ASIC2: variants seen among roughly 807,000 people sequenced by gnomAD.
ASIC2 encodes acid sensing ion channel subunit 2.
Under a neutral mutation model 57.3 loss-of-function variants are expected in ASIC2, and 25 were observed. That is an observed-to-expected ratio of 0.44 (90% CI 0.32 to 0.61). The LOEUF (loss-of-function observed/expected upper bound fraction) is 0.61. Ranked by LOEUF, ASIC2 falls within the 20% of genes least tolerant of loss-of-function variation. The pLI is 0.06. For synonymous variants in ASIC2, 319 were observed against 307.5 expected (o/e 1.04, Z -0.39); for missense variants, 641 against 738.1 (o/e 0.87, Z 1.52).
intron 1 of ASIC2, among the ~76,000 whole-genome samples, chr17:33,513,495 T>C (rs2079473018): frequency 6.6e-6 from 1 of 152,224 alleles, no homozygotes; most frequent in South Asian, 2.1e-4. Flanking sequence ...TCTCTTAATT[T>C]CAAAGTAGTT....
intron 1 of ASIC2, among the ~76,000 whole-genome samples, chr17:34,099,137 AG>A: frequency 4.4e-5 from 1 of 22,528 alleles, no homozygotes; most frequent in African/African-American, 1.1e-4. Flanking sequence ...AGAGAGAGAG[AG>A]AGAGAGACAG....
At chr17:33,084,991 T>A (rs1481717823) in intron 3 of ASIC2, among the ~76,000 whole-genome samples, 1 of 152,202 alleles carries the variant, frequency 6.6e-6, no homozygotes, top group African/African-American at 2.4e-5. Context: ...GTGGTGTGTG[T>A]GTAATTATGC....
At chr17:33,447,912 C>CAAAAAAAAAAAAAAAAAA (rs34092157) in intron 1 of ASIC2, among the ~76,000 whole-genome samples, 2 of 73,084 alleles carry the variant, frequency 2.7e-5, no homozygotes, top group African/African-American at 9.4e-5. Flanking sequence ...GACTCAGTCT[C>CAAAAAAAAAAAAAAAAAA]AAAAAAAAAA....
chr17:34,028,027 A>T (rs1328706130), intron 1 of ASIC2, among the ~76,000 whole-genome samples: 1 of 152,232 alleles, frequency 6.6e-6, no homozygotes, highest in Non-Finnish European at 1.5e-5. Context: ...TTCCACATAT[A>T]TGAGGAAAAT....
chr17:33,838,897 A>G (rs890286938), intron 1 of ASIC2, among the ~76,000 whole-genome samples: 1 of 152,236 alleles, frequency 6.6e-6, no homozygotes. Flanking sequence ...AACTTCTACT[A>G]TAGACCAAGG....
At chr17:33,680,692 G>C (rs1330668468) in intron 1 of ASIC2, 2 of 152,312 alleles carry the variant, frequency 1.3e-5, no homozygotes, top group East Asian at 1.9e-4. Flanking sequence ...CAGGCCCTGA[G>C]AGCACACAGG....
At chr17:33,442,899 C>A (rs1911875307) in intron 1 of ASIC2, among the ~76,000 whole-genome samples, 1 of 152,144 alleles carries the variant, frequency 6.6e-6, no homozygotes, top group African/African-American at 2.4e-5. Context: ...TAACATCAGG[C>A]AAATGGCAGG....
At chr17:33,315,570 T>A (rs913810960) in intron 1 of ASIC2, among the ~76,000 whole-genome samples, 12 of 152,118 alleles carry the variant, frequency 7.9e-5, no homozygotes, top group African/African-American at 2.9e-4. Context: ...ACAAGTCAAG[T>A]GGAGAAAAGA....
chr17:33,259,133 A>G (rs1245974327), intron 1 of ASIC2, among the ~76,000 whole-genome samples: 1 of 152,170 alleles, frequency 6.6e-6, no homozygotes, highest in Non-Finnish European at 1.5e-5. Context: ...GAAAAGTGGC[A>G]TTTGTCTAAA....
chr17:34,102,771 T>C (rs1469835643), intron 1 of ASIC2, among the ~76,000 whole-genome samples: 2 of 152,244 alleles, frequency 1.3e-5, no homozygotes, highest in African/African-American at 2.4e-5. Context: ...GTGAATAAAG[T>C]TGCTATAAAC....
chr17:33,075,071 T>C (rs1475365323), intron 3 of ASIC2, among the ~76,000 whole-genome samples: 1 of 152,148 alleles, frequency 6.6e-6, no homozygotes, highest in Non-Finnish European at 1.5e-5. Context: ...CACCCAAATT[T>C]CATCTTGAAT....
At chr17:34,101,922 C>T (rs1910880734) in intron 1 of ASIC2, among the ~76,000 whole-genome samples, 1 of 152,134 alleles carries the variant, frequency 6.6e-6, no homozygotes, top group Non-Finnish European at 1.5e-5. Flanking sequence ...ATCACCATAC[C>T]CTACCTCCCA....
At chr17:33,235,929 C>G (rs907910409) in intron 1 of ASIC2, among the ~76,000 whole-genome samples, 6 of 151,900 alleles carry the variant, frequency 3.9e-5, no homozygotes, top group Admixed American at 3.9e-4. Context: ...CTCCTCCTCC[C>G]GGGTTCAAGC....
At chr17:33,861,266 G>A (rs1368157257) in intron 1 of ASIC2, among the ~76,000 whole-genome samples, 1 of 152,166 alleles carries the variant, frequency 6.6e-6, no homozygotes, top group Non-Finnish European at 1.5e-5. Context: ...GAATAACGTA[G>A]AAAATATTTA....
At chr17:33,373,926 T>C (rs2347153) in intron 1 of ASIC2, among the ~76,000 whole-genome samples, 89,950 of 151,872 alleles carry the variant, frequency 0.59, 26,943 homozygotes, top group East Asian at 0.79. Context: ...GATCTGCCCA[T>C]CTTGGCCTCC....
At chr17:33,496,699 C>T (rs1913947308) in intron 1 of ASIC2, among the ~76,000 whole-genome samples, 1 of 142,024 alleles carries the variant, frequency 7.0e-6, no homozygotes, top group Non-Finnish European at 1.5e-5. Flanking sequence ...CTCATTGCAA[C>T]CTCCGCCTCC....
chr17:33,320,982 G>T (rs1344012757), intron 1 of ASIC2, among the ~76,000 whole-genome samples: 1 of 152,180 alleles, frequency 6.6e-6, no homozygotes, highest in Non-Finnish European at 1.5e-5. Context: ...TGCATGGAAG[G>T]TCACCTCATC....
rs143937713 is a variant in ASIC2 at position 33,349,355 on chromosome 17, T to A, written c.556-237288A>T. On this transcript the variant is annotated intron_variant, in intron 1 of 9. Coordinates refer to the ASIC2 transcript ENST00000359872. Reference sequence around the variant, plus strand: ...GCTTGTGATTTCTGATGGAGAGGAATCCAGGCAGAGTGAGTATCAGGTGAG... The same window carrying A: ...GCTTGTGATTTCTGATGGAGAGGAAACCAGGCAGAGTGAGTATCAGGTGAG... Among the ~76,000 whole-genome samples the A allele has an allele frequency of 5.9e-5, 9 of 152,314 alleles. 1 individual carries two copies. In the East Asian group the frequency reaches 1.7e-3, roughly 29 times the overall value.
chr17:33,242,838 G>T (rs1354501172), intron 1 of ASIC2, among the ~76,000 whole-genome samples: 3 of 152,160 alleles, frequency 2.0e-5, no homozygotes, highest in Non-Finnish European at 4.4e-5. Context: ...TTTTGTGGGG[G>T]TTGTTGTGCA....
Sources: gnomAD v4.1 joint callset for allele counts (sites outside exome capture counted in the v4.1 genomes callset) on GRCh38, gnomAD v4.1.1 for gene constraint, MANE v1.5 for transcripts, NCBI Gene and HGNC (gene_info 2026-07-23, HGNC 2026-07-21) for gene names.